Variants in MALAT1 observed in about 807,000 individuals in gnomAD.
MALAT1 encodes the protein hepcarcin.
chr11:65,498,942 G>T (rs1455276533), intron 2 of MALAT1: 2 of 518,730 alleles, frequency 3.9e-6, no homozygotes, highest in Non-Finnish European at 7.7e-6. Flanking sequence ...TTTAACCGAA[G>T]AACTACTTTT....
intron 1 of MALAT1, chr11:65,498,542 A>G (rs1441287308): frequency 1.9e-6 from 1 of 518,454 alleles, no homozygotes; most frequent in Non-Finnish European, 3.9e-6. Flanking sequence ...CTGTCTTGGG[A>G]GCAAGTCGCA....
At chr11:65,498,665 T>C (rs748620142) in intron 1 of MALAT1, 3 of 518,192 alleles carry the variant, frequency 5.8e-6, no homozygotes, top group African/African-American at 1.9e-5. Context: ...TATCACACTT[T>C]AATCTTCCTT....
At chr11:65,502,351 A>T (rs770341566) in exon 3 of MALAT1, 1 of 513,062 alleles carries the variant, frequency 1.9e-6, no homozygotes, top group Non-Finnish European at 3.9e-6. Flanking sequence ...TGGCTTAATG[A>T]TCCTGAAGGG....
exon 3 of MALAT1, chr11:65,503,840 TATA>T (rs747696623): frequency 9.6e-6 from 5 of 518,296 alleles, no homozygotes; most frequent in Non-Finnish European, 1.9e-5. Flanking sequence ...GTGATGAGCA[TATA>T]ATAATTCCAG....
exon 3 of MALAT1, chr11:65,499,591 A>G (rs898448176): frequency 1.5e-5 from 7 of 452,468 alleles, no homozygotes; most frequent in African/African-American, 1.4e-4. Context: ...TACTAAACGC[A>G]GACGAAAATG....
exon 3 of MALAT1, chr11:65,500,745 C>G (rs1313250113): frequency 1.9e-6 from 1 of 518,916 alleles, no homozygotes; most frequent in African/African-American, 1.9e-5. Flanking sequence ...GCCAAGGCCA[C>G]AGGGAAAGCG....
chr11:65,504,742 A>G (rs1171001340), intron 3 of MALAT1: 3 of 519,040 alleles, frequency 5.8e-6, no homozygotes, highest in East Asian at 5.4e-5. Flanking sequence ...AAATGTTTAA[A>G]CAGTTCAGTG....
intron 3 of MALAT1, chr11:65,503,994 A>G (rs139018795): frequency 1.0e-4 from 54 of 516,958 alleles, no homozygotes; most frequent in African/African-American, 9.4e-4. Flanking sequence ...TTAGAGTAAT[A>G]CTTTTTCACA....
chr11:65,503,103 T>TTC (rs1854591660), exon 3 of MALAT1: 1 of 509,328 alleles, frequency 2.0e-6, no homozygotes, highest in Non-Finnish European at 3.9e-6. Flanking sequence ...GTGCCAATGT[T>TTC]TCGTTTGCCT....
At chr11:65,499,010 C>A (rs376520805) in exon 3 of MALAT1, 1 of 518,856 alleles carries the variant, frequency 1.9e-6, no homozygotes, top group South Asian at 1.4e-5. Context: ...GAGTTGTTCT[C>A]CGTCTATAAA....
chr11:65,499,748 AAAAAGAT>A (rs1374946783), exon 3 of MALAT1: 10 of 432,764 alleles, frequency 2.3e-5, no homozygotes, highest in Non-Finnish European at 4.1e-5. Flanking sequence ...TTTTAGAAGA[AAAAAGAT>A]AAATTTAAAC....
chr11:65,499,666 CTG>C (rs1221295291), exon 3 of MALAT1: 6 of 434,762 alleles, frequency 1.4e-5, no homozygotes, highest in Non-Finnish European at 2.3e-5. Flanking sequence ...AAGTGGAAAA[CTG>C]GAAGACAGAA....
exon 3 of MALAT1, chr11:65,502,165 G>C (rs1162304211): frequency 1.9e-6 from 1 of 516,648 alleles, no homozygotes; most frequent in African/African-American, 1.9e-5. Flanking sequence ...TAGAGCTTTT[G>C]GGGAAGGAAA....
chr11:65,500,260 T>G (rs1018872021), exon 3 of MALAT1: 2 of 518,544 alleles, frequency 3.9e-6, no homozygotes, highest in African/African-American at 1.9e-5. Context: ...GTAGCTTAGT[T>G]TGAAAAATGT....
At chr11:65,501,624 A>G (rs781191463) in exon 3 of MALAT1, 1 of 518,996 alleles carries the variant, frequency 1.9e-6, no homozygotes, top group Admixed American at 1.9e-5. Flanking sequence ...ACTGGGTTAG[A>G]GAAGGAGTGT....
chr11:65,501,978 G>C (rs191000196), exon 3 of MALAT1: 1 of 512,986 alleles, frequency 1.9e-6, no homozygotes, highest in East Asian at 5.5e-5. Flanking sequence ...AATGGAAAAA[G>C]TAAAGAAATA....
exon 3 of MALAT1, chr11:65,502,271 C>G (rs1565053597): frequency 3.9e-6 from 2 of 518,010 alleles, no homozygotes; most frequent in East Asian, 5.5e-5. Context: ...GTGTGGTTCT[C>G]TTTTGGAATT....
exon 3 of MALAT1, chr11:65,502,358 A>G (rs758982871): frequency 3.9e-6 from 2 of 512,466 alleles, no homozygotes; most frequent in Admixed American, 4.0e-5. Context: ...ATGATCCTGA[A>G]GGGATTTCTT....
chr11:65,503,298 C>T (rs911351193), exon 3 of MALAT1: 2 of 518,174 alleles, frequency 3.9e-6, no homozygotes, highest in African/African-American at 1.9e-5. Context: ...CTGACCCCTT[C>T]CCTAGGGGAT....
Sources: gnomAD v4.1 joint callset for allele counts on GRCh38, gnomAD v4.1.1 for gene constraint, MANE v1.5 for transcripts, NCBI Gene and HGNC (gene_info 2026-07-23, HGNC 2026-07-21) for gene names.